The following DENND1B variants were observed in gnomAD, a reference collection of about 807,000 sequenced individuals.
DENND1B encodes the protein DENN domain containing 1B.
Under a neutral mutation model 90.1 loss-of-function variants are expected in DENND1B, and 59 were observed. That is an observed-to-expected ratio of 0.65 (90% CI 0.53 to 0.81). The LOEUF (loss-of-function observed/expected upper bound fraction) is 0.81. Among genes scored for constraint, DENND1B ranks in the 40% least tolerant of loss-of-function variants. The probability of loss-of-function intolerance (pLI) is 0.00; values close to 1 mark genes in which losing one functional copy is unlikely to be tolerated. For synonymous variants in DENND1B, 337 were observed against 324.6 expected (o/e 1.04, Z -0.41); for missense variants, 862 against 912.6 (o/e 0.94, Z 0.71).
chr1:197,738,434 T>C (rs892284159), intron 2 of DENND1B, among the ~76,000 whole-genome samples: 1 of 152,198 alleles, frequency 6.6e-6, no homozygotes, highest in Non-Finnish European at 1.5e-5. Flanking sequence ...TTGGTGAATG[T>C]GACCTCAGGC....
chr1:197,698,603 CAAA>C (rs143463140), intron 3 of DENND1B, among the ~76,000 whole-genome samples: 15 of 149,552 alleles, frequency 1.0e-4, no homozygotes, highest in Non-Finnish European at 1.8e-4. Context: ...AAAAACTCAC[CAAA>C]AAAAAAAAAT....
At chr1:197,610,668 C>T (rs539373286) in intron 12 of DENND1B, among the ~76,000 whole-genome samples, 14 of 150,698 alleles carry the variant, frequency 9.3e-5, no homozygotes, top group African/African-American at 2.4e-4. Flanking sequence ...ACATTAAATG[C>T]TAGTCATATA....
At position 197,772,915 on chromosome 1, in the gene DENND1B, G is replaced by A. The variant is rs1169296291; in HGVS notation, c.35C>T (p.Thr12Ile). 5.2e-6 allele frequency: 8 copies of A among 1,551,740 alleles called. No homozygotes were observed. The African/African-American group carries it at 8.2e-5, about 16-fold the overall frequency. The part of the protein sequence containing the change: ...DCRTKANPDR[T>I]FDLVLKVKCH... ...TTTCACTTTCAACACCAAGTCAAAG[G>A]TTCTGTCTGGATTTGCCCTAAAAGG... The change falls in exon 2 of 23, where the codon ACC becomes ATC. Residue 12 changes from threonine to isoleucine, a missense_variant. Thr to Ile is a moderately conservative substitution (Grantham distance 89). Coordinates refer to ENST00000620048, the MANE Select transcript of DENND1B (RefSeq NM_001195215.2).
In DENND1B at chr1:197,729,546, C is replaced by T. The variant is rs567176574; in HGVS notation, c.83-14472G>A. Among the ~76,000 whole-genome samples the T allele has an allele frequency of 1.2e-4, 19 of 152,190 alleles. No homozygotes were observed. The East Asian group carries it at 3.5e-3, about 28-fold the overall frequency. On this transcript the variant is annotated intron_variant, in intron 2 of 22. Transcript: ENST00000620048. ...CACTACATATTTTCACTAAAGATAA[C>T]AAGCAAATGAGCAGAGTAAAGCTAT... is the stretch of plus-strand genomic sequence containing the variant.
rs376577432 is a variant in DENND1B at position 197,511,759 on chromosome 1, C to T, written c.1784G>A (p.Arg595Lys). The change falls in exon 22 of 23, where the codon AGA (arginine) becomes AAA (lysine). Residue 595 changes from arginine (R) to lysine (K), a missense_variant. Arg to Lys is a conservative substitution (Grantham distance 26). Transcript: ENST00000620048. ...LAAAKSLDFFRSMDDIDYKPT... is the reference protein window; with the variant it reads ...LAAAKSLDFFKSMDDIDYKPT... ...TTTGTAATCAATGTCATCCATTGAT[C>T]TAAAGAAATCCAAGCTCTTTGCAGC... The T allele has an allele frequency of 4.3e-6, 7 of 1,609,944 alleles. No homozygotes were observed. The highest frequency in any genetic ancestry group is 4.0e-5 in the African/African-American group (3 of 74,746).
chr1:197,511,928 C>A lies in DENND1B; in HGVS notation c.1615G>T (p.Gly539Cys). 1 of 1,604,408 alleles carries A rather than the reference C, an allele frequency of 6.2e-7. No individual in the cohort carries two copies. Among genetic ancestry groups the A allele is most frequent in the Admixed American group, 1.7e-5 (1 of 58,934 alleles). The part of the protein sequence containing the change: ...ERASKLSSED[G>C]EEASAYLYES... ...TAGAGATAAGCAGAAGCTTCTTCAC[C>A]ATCTTCAGAAGATAACCTGAAGAAA... The change falls in exon 22 of 23, where the codon GGT (glycine) becomes TGT (cysteine). Residue 539 changes from glycine to cysteine, a missense_variant. Gly to Cys is a radical substitution (Grantham distance 159). Coordinates refer to ENST00000620048, the MANE Select transcript of DENND1B (RefSeq NM_001195215.2).
chr1:197,718,857 G>A (rs2102259521), intron 2 of DENND1B, among the ~76,000 whole-genome samples: 1 of 152,272 alleles, frequency 6.6e-6, no homozygotes, highest in Middle Eastern at 3.4e-3. Context: ...GGGAGACAAT[G>A]TCTAGAGATA....
intron 1 of DENND1B, among the ~76,000 whole-genome samples, chr1:197,773,803 T>A (rs951674527): frequency 6.6e-6 from 1 of 152,224 alleles, no homozygotes; most frequent in Non-Finnish European, 1.5e-5. Flanking sequence ...TCTCGTTCCA[T>A]CATAAGGTAA....
At chr1:197,625,962 G>A (rs1251712299) in intron 10 of DENND1B, among the ~76,000 whole-genome samples, 1 of 152,060 alleles carries the variant, frequency 6.6e-6, no homozygotes, top group African/African-American at 2.4e-5. Context: ...AATTCAACAA[G>A]AAGAGCTAAC....
chr1:197,676,642 CAT>C (rs1448370099), intron 3 of DENND1B, among the ~76,000 whole-genome samples: 1 of 151,830 alleles, frequency 6.6e-6, no homozygotes, highest in Non-Finnish European at 1.5e-5. Context: ...TTGGCTAACA[CAT>C]GTCAAATGAT....
intron 2 of DENND1B, among the ~76,000 whole-genome samples, chr1:197,728,199 A>AT (rs1661826489): frequency 6.6e-6 from 1 of 152,170 alleles, no homozygotes; most frequent in Non-Finnish European, 1.5e-5. Context: ...CAATTGTTTA[A>AT]AAACTCCCCA....
chr1:197,640,514 A>G (rs1680176330), intron 10 of DENND1B, among the ~76,000 whole-genome samples: 1 of 151,862 alleles, frequency 6.6e-6, no homozygotes, highest in Non-Finnish European at 1.5e-5. Flanking sequence ...ATAAAATTAT[A>G]GCTCATAATT....
rs1322586578 is a variant in DENND1B at position 197,541,609 on chromosome 1, G to T, written c.1351-594C>A. On this transcript the variant is annotated intron_variant, in intron 18 of 22. Coordinates refer to ENST00000620048, the MANE Select transcript of DENND1B (RefSeq NM_001195215.2). Reference sequence around the variant, plus strand: ...TCACATCCTGCTGTGATTCCTGTGGGGTATAACTTAACTAAAGACAACTGG... The same window carrying T: ...TCACATCCTGCTGTGATTCCTGTGGTGTATAACTTAACTAAAGACAACTGG... Among the ~76,000 whole-genome samples the T allele has an allele frequency of 2.0e-5, 3 of 152,198 alleles. No individual in the cohort carries two copies. In the East Asian group the frequency reaches 5.8e-4, roughly 29 times the overall value.
intron 10 of DENND1B, among the ~76,000 whole-genome samples, chr1:197,637,787 G>C (rs977331447): frequency 6.6e-6 from 1 of 152,172 alleles, no homozygotes; most frequent in Non-Finnish European, 1.5e-5. Context: ...TTCCCTGAGA[G>C]ATGATAACAA....
intron 16 of DENND1B, among the ~76,000 whole-genome samples, chr1:197,548,858 A>G (rs1472896123): frequency 6.6e-6 from 1 of 152,146 alleles, no homozygotes; most frequent in Admixed American, 6.6e-5. Context: ...TATAGGGGCA[A>G]AGAAGAAGTC....
At chr1:197,620,215 C>G (rs766144625) in intron 10 of DENND1B, among the ~76,000 whole-genome samples, 1 of 151,036 alleles carries the variant, frequency 6.6e-6, no homozygotes, top group East Asian at 1.9e-4. Context: ...TGAGAAAATA[C>G]TATTATGGCA....
intron 5 of DENND1B, among the ~76,000 whole-genome samples, chr1:197,661,336 C>T (rs1319958962): frequency 6.6e-6 from 1 of 151,968 alleles, no homozygotes; most frequent in Non-Finnish European, 1.5e-5. Flanking sequence ...TGGCAAATTT[C>T]CTTCCACCAA....
chr1:197,771,209 G>A (rs1483035001), intron 2 of DENND1B, among the ~76,000 whole-genome samples: 1 of 152,170 alleles, frequency 6.6e-6, no homozygotes, highest in South Asian at 2.1e-4. Context: ...ACCGTGCCAC[G>A]CCTTTACAAG....
At chr1:197,544,783 A>G (rs891488754) in intron 18 of DENND1B, among the ~76,000 whole-genome samples, 4 of 133,130 alleles carry the variant, frequency 3.0e-5, no homozygotes, top group Non-Finnish European at 6.8e-5. Context: ...AGGAGGAGGA[A>G]GAAGAAGAAG....
Sources: allele counts gnomAD v4.1 joint callset (sites outside exome capture counted in the v4.1 genomes callset), GRCh38; gene constraint gnomAD v4.1.1; transcripts MANE v1.5; gene names NCBI Gene and HGNC (gene_info 2026-07-23, HGNC 2026-07-21).